Variants in XKR9 observed in about 807,000 individuals in gnomAD.
XKR9 encodes the protein XK related 9, also known as XK-related protein 9.
A neutral mutation model predicts 32.0 loss-of-function variants in XKR9; 32 were observed. The ratio of observed to expected loss-of-function variants is 1.00; its 90% CI spans 0.76 to 1.34. The LOEUF (loss-of-function observed/expected upper bound fraction) is 1.34. XKR9 is among the 40% of genes most tolerant of loss of function. The pLI, the probability that XKR9 is intolerant of heterozygous loss-of-function variation, is 0.00. For synonymous variants in XKR9, 168 were observed against 143.4 expected (o/e 1.17, Z -1.22); for missense variants, 546 against 429.7 (o/e 1.27, Z -2.39).
At chr8:70,990,298 A>G in the XKR9 span, among the ~76,000 whole-genome samples, 50 of 152,284 alleles carry the variant, frequency 3.3e-4, no homozygotes, top group African/African-American at 1.2e-3. Flanking sequence ...AGATCTTAAG[A>G]TCTCTGATAT....
downstream of XKR9, among the ~76,000 whole-genome samples, chr8:70,791,264 C>G (rs1469021522): frequency 1.3e-5 from 2 of 151,260 alleles, no homozygotes; most frequent in African/African-American, 4.9e-5. Context: ...TGCTTGAGCC[C>G]AGGAGTTCAA....
At chr8:70,723,414 G>A (rs778823499) in intron 4 of XKR9, among the ~76,000 whole-genome samples, 14 of 152,156 alleles carry the variant, frequency 9.2e-5, no homozygotes, top group Non-Finnish European at 1.8e-4. Flanking sequence ...CAGCATTTTT[G>A]TGCTGGTTAT....
the XKR9 span, among the ~76,000 whole-genome samples, chr8:70,860,034 T>C: frequency 1.3e-5 from 2 of 152,136 alleles, no homozygotes; most frequent in African/African-American, 4.8e-5. Flanking sequence ...AGGTGATGGA[T>C]ACCCTAAGTA....
intron 3 of XKR9, among the ~76,000 whole-genome samples, chr8:70,702,127 A>G (rs942929641): frequency 6.6e-6 from 1 of 152,112 alleles, no homozygotes; most frequent in East Asian, 1.9e-4. Context: ...CTATTTTTCA[A>G]TTTAAAACGC....
chr8:70,997,068 C>T, the XKR9 span, among the ~76,000 whole-genome samples: 133 of 152,258 alleles, frequency 8.7e-4, no homozygotes, highest in Middle Eastern at 6.8e-3. Flanking sequence ...GAGGCTGAGC[C>T]GGGTGGATCA....
chr8:70,784,563 A>G (rs1271923959), intron 2 of XKR9, among the ~76,000 whole-genome samples: 1 of 151,460 alleles, frequency 6.6e-6, no homozygotes, highest in Admixed American at 6.6e-5. Flanking sequence ...ACTTTACTGT[A>G]TTTATTAGTT....
At chr8:70,817,139 G>A in the XKR9 span, among the ~76,000 whole-genome samples, 3 of 152,100 alleles carry the variant, frequency 2.0e-5, no homozygotes, top group East Asian at 5.8e-4. Context: ...AGAACAACCA[G>A]GCAAGCAAAA....
chr8:71,047,317 C>T, the XKR9 span, among the ~76,000 whole-genome samples: 1 of 152,216 alleles, frequency 6.6e-6, no homozygotes, highest in Non-Finnish European at 1.5e-5. Context: ...ACTCTGAAGA[C>T]CATCACTTAT....
the XKR9 span, among the ~76,000 whole-genome samples, chr8:71,037,622 C>T: frequency 6.6e-6 from 1 of 152,122 alleles, no homozygotes; most frequent in Non-Finnish European, 1.5e-5. Flanking sequence ...TGAGAAAAGA[C>T]TCACACTAGG....
chr8:70,999,578 C>A, the XKR9 span, among the ~76,000 whole-genome samples: 1 of 152,120 alleles, frequency 6.6e-6, no homozygotes, highest in Non-Finnish European at 1.5e-5. Flanking sequence ...TTGATCTGTT[C>A]ATGGTGGAAA....
At chr8:70,759,784 AT>A (rs1275967422) in intron 2 of XKR9, among the ~76,000 whole-genome samples, 1 of 152,208 alleles carries the variant, frequency 6.6e-6, no homozygotes, top group Non-Finnish European at 1.5e-5. Flanking sequence ...TGGGGTTCCA[AT>A]AAACATTTGT....
At chr8:70,694,448 G>C (rs1405356010) in intron 3 of XKR9, among the ~76,000 whole-genome samples, 1 of 152,084 alleles carries the variant, frequency 6.6e-6, no homozygotes, top group Non-Finnish European at 1.5e-5. Context: ...GCTTTGTTGG[G>C]GGTGGCTGGA....
At chr8:70,933,672 A>G in the XKR9 span, among the ~76,000 whole-genome samples, 3 of 152,068 alleles carry the variant, frequency 2.0e-5, no homozygotes, top group Non-Finnish European at 4.4e-5. Context: ...TGAAAAATGA[A>G]GATTCCTATG....
At chr8:70,982,569 C>G in the XKR9 span, among the ~76,000 whole-genome samples, 1 of 152,140 alleles carries the variant, frequency 6.6e-6, no homozygotes, top group South Asian at 2.1e-4. Flanking sequence ...ACCCTATTTC[C>G]AGGCAGCCAG....
the XKR9 span, among the ~76,000 whole-genome samples, chr8:70,999,202 G>A: frequency 0.32 from 48,442 of 151,918 alleles, 9,044 homozygotes; most frequent in Non-Finnish European, 0.43. Context: ...GAAGTAGAAA[G>A]TTATTCTTTT....
chr8:70,670,252 C>T (rs1818666951), intron 1 of XKR9, among the ~76,000 whole-genome samples: 1 of 151,966 alleles, frequency 6.6e-6, no homozygotes, highest in Non-Finnish European at 1.5e-5. Context: ...CCTGCCTGCC[C>T]AGAGAGCTAG....
intron 4 of XKR9, among the ~76,000 whole-genome samples, chr8:70,712,690 TG>T (rs571621715): frequency 1.6e-3 from 242 of 152,188 alleles, no homozygotes; most frequent in African/African-American, 5.6e-3. Context: ...TTACAACTGT[TG>T]GCTAGTCCAA....
chr8:70,755,001 T>C (rs547787380), intron 2 of XKR9, among the ~76,000 whole-genome samples: 10 of 151,784 alleles, frequency 6.6e-5, no homozygotes, highest in South Asian at 2.1e-4. Flanking sequence ...AGAAAATTTT[T>C]GCAACCTACT....
intron 2 of XKR9, among the ~76,000 whole-genome samples, chr8:70,767,059 CT>C (rs977476375): frequency 1.3e-5 from 2 of 151,810 alleles, no homozygotes; most frequent in African/African-American, 2.4e-5. Flanking sequence ...CTGAAATTTT[CT>C]TTTTTTTGTT....
Sources: gnomAD v4.1 joint callset for allele counts (sites outside exome capture counted in the v4.1 genomes callset) on GRCh38, gnomAD v4.1.1 for gene constraint, MANE v1.5 for transcripts, NCBI Gene and HGNC (gene_info 2026-07-23, HGNC 2026-07-21) for gene names.